CSRNP3: variants seen among roughly 807,000 people sequenced by gnomAD.
CSRNP3 encodes cysteine and serine rich nuclear protein 3.
In CSRNP3, 12 loss-of-function variants were observed where a neutral mutation model predicts 48.0. The ratio of observed to expected loss-of-function variants is 0.25; its 90% CI spans 0.16 to 0.41. CSRNP3 has a LOEUF of 0.41. Ranked by LOEUF, CSRNP3 falls within the 10% of genes least tolerant of loss-of-function variation. The probability of loss-of-function intolerance (pLI) is 1.00; values close to 1 mark genes in which losing one functional copy is unlikely to be tolerated. For missense variants in CSRNP3, 580 were observed against 724.4 expected, an observed-to-expected ratio of 0.80 and a Z score of 2.29; for synonymous variants, 263 against 269.7, an observed-to-expected ratio of 0.98 and a Z score of 0.24.
chr2:165,585,207 A>G (rs893542655), intron 3 of CSRNP3, among the ~76,000 whole-genome samples: 1 of 140,272 alleles, frequency 7.1e-6, no homozygotes, highest in Non-Finnish European at 1.6e-5. Context: ...ATCATAGCAT[A>G]ATGTGTTTTT....
chr2:165,579,444 C>T (rs1302220521), intron 3 of CSRNP3, among the ~76,000 whole-genome samples: 2 of 152,192 alleles, frequency 1.3e-5, no homozygotes, highest in East Asian at 3.9e-4. Context: ...TTCAAATTTC[C>T]ATCTTTGTAC....
chr2:165,506,623 G>A (rs974822365), intron 2 of CSRNP3, among the ~76,000 whole-genome samples: 5 of 151,978 alleles, frequency 3.3e-5, no homozygotes, highest in African/African-American at 7.3e-5. Flanking sequence ...GAGGGGTGGC[G>A]GCATCTACCC....
At chr2:165,565,843 TA>T (rs1558936054) in intron 3 of CSRNP3, among the ~76,000 whole-genome samples, 1 of 152,112 alleles carries the variant, frequency 6.6e-6, no homozygotes, top group Admixed American at 6.6e-5. Context: ...AGAATACTTT[TA>T]TATAGTTTTC....
chr2:165,614,684 AT>A (rs1470018207), intron 4 of CSRNP3, among the ~76,000 whole-genome samples: 3 of 152,208 alleles, frequency 2.0e-5, no homozygotes, highest in African/African-American at 7.2e-5. Context: ...TATTAAGATA[AT>A]AACGTGGTTT....
chr2:165,470,388 A>G lies in CSRNP3; in HGVS notation c.-283+648A>G, dbSNP rs76568003. Among the ~76,000 whole-genome samples, 1,280 of 152,198 alleles carry G rather than the reference A, an allele frequency of 8.4e-3. 23 individuals are homozygous for G. The highest frequency in any genetic ancestry group is 0.029 in the African/African-American group (1,200 of 41,558). ...GATAATTAAACAATGGTTTGTCTCT[A>G]CTTGTTAACTTACATGGAGCCATTT... is the stretch of plus-strand genomic sequence containing the variant. On this transcript the variant is annotated intron_variant, in intron 1 of 6. Transcript: ENST00000651982.
chr2:165,542,050 C>A (rs1312474041), intron 3 of CSRNP3, among the ~76,000 whole-genome samples: 1 of 152,236 alleles, frequency 6.6e-6, no homozygotes, highest in Admixed American at 6.6e-5. Flanking sequence ...CTGTCACAAC[C>A]TTTGAGGAAT....
intron 3 of CSRNP3, among the ~76,000 whole-genome samples, chr2:165,520,783 TTATATATATATATATA>T (rs869287628): frequency 1.3e-4 from 4 of 29,730 alleles, no homozygotes; most frequent in Admixed American, 4.8e-4. Flanking sequence ...TATATATATA[TTATATATATATATATA>T]TATATATATA....
rs751765796 is a variant in CSRNP3 at position 165,680,442 on chromosome 2, C to G, written c.*689C>G. The stretch of plus-strand genomic sequence containing the variant: ...AATAAATGATTCTATATGTGCAGGT[C>G]CTTACACAGTTTTCTCTAAAGTTAA... On this transcript the variant is annotated 3_prime_UTR_variant, in exon 7 of 7. Transcript: ENST00000651982. The G allele has an allele frequency of 7.2e-5, 11 of 152,528 alleles. No homozygotes were observed. The highest frequency in any genetic ancestry group is 1.3e-4 in the Non-Finnish European group (9 of 68,044). 9.4% of individuals were successfully genotyped at this position (152,528 alleles called of 1,614,324 possible).
chr2:165,577,078 A>T (rs569564938), intron 3 of CSRNP3, among the ~76,000 whole-genome samples: 2 of 151,992 alleles, frequency 1.3e-5, no homozygotes, highest in African/African-American at 4.8e-5. Flanking sequence ...TCTCAAAATC[A>T]CATGTGTAGG....
In CSRNP3 at chr2:165,686,474, TA is replaced by T. The variant is rs1687632854; in HGVS notation, c.*6722del. 1 of 151,924 alleles carries T rather than the reference TA, an allele frequency of 6.6e-6. No homozygotes were observed. Among genetic ancestry groups the T allele is most frequent in the South Asian group, 2.1e-4 (1 of 4,828 alleles). The allele number at this position is 151,924 out of a possible 1,614,324, so 9.4% of individuals were successfully genotyped here. ...CCTCTTTAAAACAAATTTAAAGATC[TA>T]TATACATTTTTGCAACTTTATTTAA... On this transcript the variant is annotated 3_prime_UTR_variant, in exon 7 of 7. Coordinates refer to ENST00000651982, the MANE Select transcript of CSRNP3 (RefSeq NM_001172173.2).
Position 165,679,337 on chromosome 2 carries a change from A to G in CSRNP3, c.1342A>G (p.Asn448Asp). 1 of 1,613,786 alleles carries G rather than the reference A, an allele frequency of 6.2e-7. No homozygotes were observed. The highest frequency in any genetic ancestry group is 8.5e-7 in the Non-Finnish European group (1 of 1,179,930). Residue 448 changes from asparagine (N) to aspartate (D), a missense_variant, in exon 7 of 7, where the codon AAT (asparagine) becomes GAT (aspartate). By Grantham distance (23) the Asn-to-Asp change is conservative (BLOSUM62 1). Transcript: ENST00000651982. ...AGATAGCCACATTCCAGGAACTCCA[A>G]ATCAGATCTCTGAGAACTATTCTGA... ...QIDSHIPGTPNQISENYSERD... is the reference protein window; with the variant it reads ...QIDSHIPGTPDQISENYSERD...
intron 4 of CSRNP3, among the ~76,000 whole-genome samples, chr2:165,627,536 T>TTAAAAGAAC (rs1686457789): frequency 6.6e-6 from 1 of 152,132 alleles, no homozygotes; most frequent in Admixed American, 6.5e-5. Flanking sequence ...TTCTGCCTCT[T>TTAAAAGAAC]TAAAAGAACG....
At chr2:165,577,965 A>G (rs765994189) in intron 3 of CSRNP3, among the ~76,000 whole-genome samples, 36 of 152,078 alleles carry the variant, frequency 2.4e-4, no homozygotes, top group Admixed American at 3.9e-4. Context: ...TGTGTTCAGA[A>G]TGTTGAAAAT....
chr2:165,670,663 G>T (rs1029386236), intron 5 of CSRNP3, among the ~76,000 whole-genome samples: 1 of 152,156 alleles, frequency 6.6e-6, no homozygotes, highest in Non-Finnish European at 1.5e-5. Context: ...ATGAACTAAT[G>T]CAGGTAAAGT....
intron 3 of CSRNP3, among the ~76,000 whole-genome samples, chr2:165,522,463 A>G (rs1295681918): frequency 6.6e-6 from 1 of 152,210 alleles, no homozygotes; most frequent in Non-Finnish European, 1.5e-5. Flanking sequence ...TTACAAAATA[A>G]TACGACAATA....
chr2:165,605,148 T>C (rs773168464), intron 4 of CSRNP3, among the ~76,000 whole-genome samples: 1 of 152,182 alleles, frequency 6.6e-6, no homozygotes, highest in Non-Finnish European at 1.5e-5. Flanking sequence ...TCATTTTCAA[T>C]TCATCAATCA....
At position 165,683,790 on chromosome 2, in the gene CSRNP3, A is replaced by G. The variant is rs1687584385; in HGVS notation, c.*4037A>G. 6.6e-6 allele frequency: 1 copy of G among 152,024 alleles called. No homozygotes were observed. The highest frequency in any genetic ancestry group is 2.4e-5 in the African/African-American group (1 of 41,440). 9.4% of individuals were successfully genotyped at this position (152,024 alleles called of 1,614,324 possible). ...CTTTCTCAAATCCTCTTAATATGTG[A>G]TTTTATCAAGTGACATTAGAAAAAC... On this transcript the variant is annotated 3_prime_UTR_variant, in exon 7 of 7. Transcript: ENST00000651982.
chr2:165,500,297 C>T (rs1362831896), intron 2 of CSRNP3, among the ~76,000 whole-genome samples: 2 of 150,600 alleles, frequency 1.3e-5, no homozygotes, highest in East Asian at 3.9e-4. Flanking sequence ...GGAAAATGCA[C>T]ATATTTTACT....
At chr2:165,493,983 G>A (rs1684253690) in intron 1 of CSRNP3, among the ~76,000 whole-genome samples, 1 of 151,998 alleles carries the variant, frequency 6.6e-6, no homozygotes, top group African/African-American at 2.4e-5. Context: ...CTACTCTCAG[G>A]TTTAGTGATT....
Sources: gnomAD v4.1 joint callset for allele counts (sites outside exome capture counted in the v4.1 genomes callset) on GRCh38, gnomAD v4.1.1 for gene constraint, MANE v1.5 for transcripts, NCBI Gene and HGNC (gene_info 2026-07-23, HGNC 2026-07-21) for gene names.